The following PRKG2 variants were observed in gnomAD, a reference collection of about 807,000 sequenced individuals.
PRKG2 encodes the protein cGMP-dependent protein kinase 2.
A neutral mutation model predicts 97.2 loss-of-function variants in PRKG2; 33 were observed. The ratio of observed to expected loss-of-function variants is 0.34; its 90% CI spans 0.26 to 0.45. PRKG2 has a LOEUF of 0.45. PRKG2 is among the 20% of genes least tolerant of loss of function. PRKG2 has a pLI of 1.00. For missense variants in PRKG2, 638 were observed against 900.0 expected, an observed-to-expected ratio of 0.71 and a Z score of 3.73; for synonymous variants, 330 against 321.8, an observed-to-expected ratio of 1.03 and a Z score of -0.27.
intron 14 of PRKG2, among the ~76,000 whole-genome samples, chr4:81,111,192 G>T (rs952321197): frequency 6.6e-6 from 1 of 152,140 alleles, no homozygotes; most frequent in Non-Finnish European, 1.5e-5. Context: ...CGAAAGCAAA[G>T]TCAGGGTAAT....
chr4:81,092,129 C>A (rs1247997655), intron 18 of PRKG2, among the ~76,000 whole-genome samples: 1 of 151,914 alleles, frequency 6.6e-6, no homozygotes, highest in African/African-American at 2.4e-5. Context: ...CTGAACAACA[C>A]TGACTACTTT....
chr4:81,140,424 CCTA>C (rs1198744746), intron 12 of PRKG2, 106 bp downstream of exon 12: 19 of 941,828 alleles, frequency 2.0e-5, no homozygotes, highest in Middle Eastern at 3.7e-4. Context: ...AATATATATG[CCTA>C]CTATGTACCC....
chr4:81,151,442 A>C (rs530332202), intron 8 of PRKG2, among the ~76,000 whole-genome samples: 3 of 152,142 alleles, frequency 2.0e-5, no homozygotes, highest in African/African-American at 7.2e-5. Context: ...CAGTAAATAA[A>C]CTCATACCTC....
Position 81,135,293 on chromosome 4 carries a change from G to A in PRKG2, c.1638C>T (p.Gly546=), listed in dbSNP as rs774051883. 2.5e-6 allele frequency: 4 copies of A among 1,611,766 alleles called. No homozygotes were observed. The highest frequency in any genetic ancestry group is 1.1e-5 in the South Asian group (1 of 90,526). ...GELWSILRDR[G]SFDEPTSKFC... ...ATTTGGAGGTGGGTTCATCAAAGCTGCCTCTGCAACGAAATCATTTTCCCT... is the reference window on the plus strand; with the variant it reads ...ATTTGGAGGTGGGTTCATCAAAGCTACCTCTGCAACGAAATCATTTTCCCT... Residue 546 remains glycine (G), a synonymous_variant, in exon 14 of 19, where the codon GGC becomes GGT. Transcript: ENST00000264399.
chr4:81,115,225 T>C (rs977358846), intron 14 of PRKG2, among the ~76,000 whole-genome samples: 98 of 152,206 alleles, frequency 6.4e-4, no homozygotes, highest in African/African-American at 2.3e-3. Context: ...TTGCCACCCC[T>C]TTGTATAAGA....
chr4:81,092,669 C>A (rs911906886), intron 17 of PRKG2, among the ~76,000 whole-genome samples: 1 of 152,144 alleles, frequency 6.6e-6, no homozygotes, highest in African/African-American at 2.4e-5. Context: ...AGGCTAAGGT[C>A]TACAATTCTT....
chr4:81,096,803 G>A (rs1478130907), intron 17 of PRKG2, among the ~76,000 whole-genome samples: 1 of 152,086 alleles, frequency 6.6e-6, no homozygotes, highest in Non-Finnish European at 1.5e-5. Flanking sequence ...TAGTTCTATT[G>A]ATATTTCTAA....
In PRKG2 at chr4:81,142,274, C is replaced by CTT. The variant is rs1449444008; in HGVS notation, c.1407+518_1407+519dup. Among the ~76,000 whole-genome samples, 4 of 152,214 alleles carry CTT rather than the reference C, an allele frequency of 2.6e-5. No homozygotes were observed. In the East Asian group the frequency reaches 7.7e-4, roughly 29 times the overall value. On this transcript the variant is annotated intron_variant, in intron 11 of 18. Transcript: ENST00000264399. The stretch of plus-strand genomic sequence containing the variant: ...TCTTCAAATATTCCCTTTCATTCAT[C>CTT]TTCTTTTCTTTTCTCACAATACGAA...
intron 17 of PRKG2, among the ~76,000 whole-genome samples, chr4:81,093,671 C>G (rs1052977071): frequency 2.4e-4 from 36 of 152,098 alleles, no homozygotes; most frequent in African/African-American, 8.7e-4. Context: ...AAGTATTTTA[C>G]AGTAATCTGT....
chr4:81,164,201 T>C lies in PRKG2; in HGVS notation c.912+2960A>G, dbSNP rs575328545. Among the ~76,000 whole-genome samples the C allele has an allele frequency of 2.1e-3, 324 of 152,228 alleles. 2 individuals are homozygous for C. The highest frequency in any genetic ancestry group is 7.6e-3 in the African/African-American group (315 of 41,534). On this transcript the variant is annotated intron_variant, in intron 6 of 18. Coordinates refer to ENST00000264399, the MANE Select transcript of PRKG2 (RefSeq NM_006259.3). The stretch of plus-strand genomic sequence containing the variant: ...ATGATTTAAATGTTGAAAGAGCTCA[T>C]AGAGATATGGCCCACCACTCCATTA...
chr4:81,125,135 A>G (rs1000670584), intron 14 of PRKG2, among the ~76,000 whole-genome samples: 8 of 152,138 alleles, frequency 5.3e-5, no homozygotes, highest in African/African-American at 1.9e-4. Context: ...ATCATATGCT[A>G]TTTAACCTTT....
intron 14 of PRKG2, among the ~76,000 whole-genome samples, chr4:81,111,314 T>A (rs1352726547): frequency 6.6e-6 from 1 of 152,130 alleles, no homozygotes; most frequent in African/African-American, 2.4e-5. Context: ...CAGCACCCAG[T>A]CAAGGTCAGG....
intron 2 of PRKG2, among the ~76,000 whole-genome samples, chr4:81,176,408 T>G (rs975161226): frequency 1.3e-5 from 2 of 152,152 alleles, no homozygotes; most frequent in Non-Finnish European, 2.9e-5. Flanking sequence ...AAAAAAAAAT[T>G]TAAAAATGGA....
intron 14 of PRKG2, among the ~76,000 whole-genome samples, chr4:81,130,844 C>A (rs992461158): frequency 2.6e-5 from 4 of 152,158 alleles, no homozygotes; most frequent in African/African-American, 9.7e-5. Flanking sequence ...CCACCAAGCT[C>A]GAGCATCCCA....
At chr4:81,210,437 A>G (rs1276624824) in intron 1 of PRKG2, among the ~76,000 whole-genome samples, 1 of 152,154 alleles carries the variant, frequency 6.6e-6, no homozygotes, top group Non-Finnish European at 1.5e-5. Context: ...TTGATAAATA[A>G]GCATATAAAA....
chr4:81,124,918 T>A (rs1314325129), intron 14 of PRKG2, among the ~76,000 whole-genome samples: 1 of 152,210 alleles, frequency 6.6e-6, no homozygotes, highest in Non-Finnish European at 1.5e-5. Context: ...ATGATTGGTG[T>A]CATTTTTAAT....
At chr4:81,153,429 C>G (rs574840081) in intron 7 of PRKG2, 2 of 459,174 alleles carry the variant, frequency 4.4e-6, no homozygotes, top group East Asian at 3.8e-5. Flanking sequence ...AAGTGACCTA[C>G]ATAACATCAC....
intron 6 of PRKG2, 126 bp downstream of exon 6, chr4:81,167,035 A>G: frequency 4.6e-6 from 3 of 658,986 alleles, no homozygotes; most frequent in Non-Finnish European, 7.3e-6. Flanking sequence ...TTTTCACCAT[A>G]GAAAAAGGCT....
At chr4:81,131,635 G>A (rs1411206622) in intron 14 of PRKG2, among the ~76,000 whole-genome samples, 1 of 152,164 alleles carries the variant, frequency 6.6e-6, no homozygotes, top group Non-Finnish European at 1.5e-5. Context: ...GTGATTTACA[G>A]GTCTAGGATT....
Sources: allele counts gnomAD v4.1 joint callset (sites outside exome capture counted in the v4.1 genomes callset), GRCh38; gene constraint gnomAD v4.1.1; transcripts MANE v1.5; gene names NCBI Gene and HGNC (gene_info 2026-07-23, HGNC 2026-07-21).